The following CPLANE1 variants were observed in gnomAD, a reference collection of about 807,000 sequenced individuals.
CPLANE1 encodes the protein ciliogenesis and planar polarity effector complex subunit 1.
In CPLANE1, 263 loss-of-function variants were observed where a neutral mutation model predicts 362.5. That is an observed-to-expected ratio of 0.73 (90% confidence interval 0.66 to 0.80). The LOEUF is 0.80. Among genes scored for constraint, CPLANE1 ranks in the 30% least tolerant of loss-of-function variants. The probability of loss-of-function intolerance (pLI) is 0.00; values close to 1 mark genes in which losing one functional copy is unlikely to be tolerated. For synonymous variants in CPLANE1, 1,212 were observed against 1,302.6 expected (o/e 0.93, Z 1.50); for missense variants, 3,461 against 3,793.4 (o/e 0.91, Z 2.30).
chr5:37,201,790 T>C lies in CPLANE1; in HGVS notation c.3308A>G (p.Asp1103Gly). 1.2e-6 allele frequency: 2 copies of C among 1,612,362 alleles called. No individual in the cohort carries two copies. The highest frequency in any genetic ancestry group is 1.7e-6 in the Non-Finnish European group (2 of 1,178,754). Reference sequence around the variant, plus strand: ...TACTGAACCAAATAGCAGATTTGCATCTTCCTCTTCAATGGGATCTATCAA... The same window carrying C: ...TACTGAACCAAATAGCAGATTTGCACCTTCCTCTTCAATGGGATCTATCAA... Reference protein sequence around the residue: ...KQFTDPIEEEDANLLFGSVQE... With the variant: ...KQFTDPIEEEGANLLFGSVQE... Residue 1103 changes from aspartate to glycine, a missense_variant, in exon 19 of 53, where the codon GAT becomes GGT. By Grantham distance (94) the Asp-to-Gly change is moderately conservative. Around this residue, in one of 2 missense-constraint regions of CPLANE1, gnomAD observed 3,380 missense variants for 3,666.1 expected, o/e 0.92. Coordinates refer to ENST00000651892, the MANE Select transcript of CPLANE1 (RefSeq NM_001384732.1).
At chr5:37,175,358 A>G (rs1780885469) in intron 31 of CPLANE1, among the ~76,000 whole-genome samples, 2 of 152,212 alleles carry the variant, frequency 1.3e-5, no homozygotes, top group African/African-American at 2.4e-5. Context: ...ACGCAACAAC[A>G]TTTTGTGAAG....
intron 1 of CPLANE1, among the ~76,000 whole-genome samples, chr5:37,248,983 G>A (rs1424494877): frequency 6.6e-6 from 1 of 152,228 alleles, no homozygotes; most frequent in South Asian, 2.1e-4. Flanking sequence ...ACCCACGCCG[G>A]CCGGGTGACC....
At chr5:37,085,855 T>G in the CPLANE1 span, 1 of 1,155,880 alleles carries the variant, frequency 8.7e-7, no homozygotes, top group South Asian at 1.2e-5. Context: ...GTGGGTGAAA[T>G]GGTCCCTGGG....
chr5:37,142,470 C>CA lies in CPLANE1; in HGVS notation c.8471dup (p.Leu2824PhefsTer6). On this transcript the variant is annotated frameshift_variant, in exon 44 of 53. Coordinates refer to ENST00000651892, the MANE Select transcript of CPLANE1 (RefSeq NM_001384732.1). LOFTEE classifies it high-confidence loss of function. ...TTTGATCTTCTTCATCCATATGGGT[C>CA]AAAAAACGCACTAATCCAGAGTATA... The CA allele has an allele frequency of 6.3e-7, 1 of 1,580,692 alleles. No homozygotes were observed. The highest frequency in any genetic ancestry group is 2.3e-5 in the East Asian group (1 of 43,410).
At chr5:37,122,588 G>T in intron 47 of CPLANE1, 100 bp from the exon 48 acceptor site, 1 of 857,164 alleles carries the variant, frequency 1.2e-6, no homozygotes, top group Non-Finnish European at 1.8e-6. Context: ...AAACACTGTC[G>T]TGTTTGATGA....
intron 50 of CPLANE1, among the ~76,000 whole-genome samples, chr5:37,117,956 A>G (rs1167885148): frequency 2.0e-5 from 3 of 152,272 alleles, no homozygotes; most frequent in Non-Finnish European, 4.4e-5. Context: ...TCAGGTTTTT[A>G]AAACCTTGAC....
chr5:37,186,469 T>A (rs1784024041), intron 23 of CPLANE1, 75 bp from the exon 24 acceptor site: 1 of 737,368 alleles, frequency 1.4e-6, no homozygotes, highest in East Asian at 2.5e-5. Context: ...AAATATTTTA[T>A]TTTAACTCAA....
In CPLANE1 at chr5:37,139,360, G is replaced by C; in HGVS notation, c.8643C>G (p.Ser2881Arg). ...TTTACCTCTCACACAATTCATCACTGCTATTCATACCTAAAAAAAAAATCA... is the reference window on the plus strand; with the variant it reads ...TTTACCTCTCACACAATTCATCACTCCTATTCATACCTAAAAAAAAAATCA... Reference protein sequence around the residue: ...DQNTTSPGMNSSDELCESVSV... With the variant: ...DQNTTSPGMNRSDELCESVSV... The change falls in exon 45 of 53, where the codon AGC (serine) becomes AGG (arginine). Residue 2881 changes from serine (S) to arginine (R), a missense_variant. Physicochemically the swap from Ser to Arg is moderately radical, Grantham distance 110. Around this residue, in one of 2 missense-constraint regions of CPLANE1, gnomAD observed 3,380 missense variants for 3,666.1 expected, o/e 0.92. Coordinates refer to ENST00000651892, the MANE Select transcript of CPLANE1 (RefSeq NM_001384732.1). 1 of 1,224,656 alleles carries C rather than the reference G, an allele frequency of 8.2e-7. No individual in the cohort carries two copies. The highest frequency in any genetic ancestry group is 1.1e-6 in the Non-Finnish European group (1 of 883,852). 75.9% of individuals were successfully genotyped at this position (1,224,656 alleles called of 1,614,324 possible). A position where few individuals can be genotyped will look rare whatever the true frequency, so the allele number is the denominator to read the frequency against.
chr5:37,237,068 A>G (rs1482284385), intron 8 of CPLANE1, among the ~76,000 whole-genome samples: 2 of 152,230 alleles, frequency 1.3e-5, no homozygotes, highest in Non-Finnish European at 2.9e-5. Flanking sequence ...CTACCATTCA[A>G]TCTAGTAATC....
rs183703355 is a variant in CPLANE1 at position 37,157,322 on chromosome 5, G to A, written c.8110C>T (p.Gln2704Ter). Residue 2704 changes from glutamine to a stop codon, truncating the protein, a stop_gained, in exon 41 of 53, where the codon CAG becomes TAG. Transcript: ENST00000651892. LOFTEE classifies it high-confidence loss of function. The part of the protein sequence containing the change: ...VTSPTPSDIQ[Q>*]NKGLPKPEFR... Reference sequence around the variant, plus strand: ...CCTCTTGGCTGTTTACCTTTGTTCTGCTGTATGTCTGATGGTGTAGGTGAG... The same window carrying A: ...CCTCTTGGCTGTTTACCTTTGTTCTACTGTATGTCTGATGGTGTAGGTGAG... The A allele has an allele frequency of 7.1e-3, 9,673 of 1,366,434 alleles. 39 individuals carry two copies. The highest frequency in any genetic ancestry group is 8.4e-3 in the Non-Finnish European group (8,661 of 1,031,006). The allele number at this position is 1,366,434 out of a possible 1,614,324, so 84.6% of individuals were successfully genotyped here.
At position 37,238,838 on chromosome 5, in the gene CPLANE1, C is replaced by T; in HGVS notation, c.938+19G>A. 7.3e-7 allele frequency: 1 copy of T among 1,362,392 alleles called. No individual in the cohort carries two copies. The highest frequency in any genetic ancestry group is 1.5e-5 in the South Asian group (1 of 68,166). The allele number at this position is 1,362,392 out of a possible 1,614,324, so 84.4% of individuals were successfully genotyped here. ...TTAAAAGAAAAAAAGAAAAAAAAGA[C>T]AGACAAAAGAGTTCTTACCTAATAA... On this transcript the variant is annotated intron_variant, in intron 8 of 52. Coordinates refer to ENST00000651892, the MANE Select transcript of CPLANE1 (RefSeq NM_001384732.1).
intron 21 of CPLANE1, among the ~76,000 whole-genome samples, chr5:37,191,743 A>G (rs1490113265): frequency 1.3e-5 from 2 of 152,148 alleles, no homozygotes; most frequent in African/African-American, 2.4e-5. Flanking sequence ...CTGAGGTTAG[A>G]GAATGTTTTG....
At chr5:37,119,496 C>T (rs1762012602) in intron 50 of CPLANE1, among the ~76,000 whole-genome samples, 1 of 151,644 alleles carries the variant, frequency 6.6e-6, no homozygotes, top group Non-Finnish European at 1.5e-5. Flanking sequence ...CATGGAGAAA[C>T]CCCATCTCTT....
intron 43 of CPLANE1, among the ~76,000 whole-genome samples, chr5:37,147,244 A>C (rs1377423513): frequency 6.6e-6 from 1 of 152,244 alleles, no homozygotes; most frequent in East Asian, 1.9e-4. Flanking sequence ...GTAAAAACTG[A>C]CTATCCTCAG....
chr5:37,107,835 A>G, intron 52 of CPLANE1, 57 bp from the exon 53 acceptor site: 1 of 1,473,034 alleles, frequency 6.8e-7, no homozygotes. Context: ...CAAAAAAACA[A>G]AAACAAAAAA....
chr5:37,189,434 G>C (rs1203488063), intron 21 of CPLANE1, among the ~76,000 whole-genome samples: 1 of 151,940 alleles, frequency 6.6e-6, no homozygotes, highest in Non-Finnish European at 1.5e-5. Context: ...AGATTCTGCC[G>C]GGGGAGCACG....
the CPLANE1 span, among the ~76,000 whole-genome samples, chr5:37,094,752 T>C: frequency 1.3e-5 from 2 of 152,010 alleles, no homozygotes; most frequent in African/African-American, 4.8e-5. Context: ...ACAGGAGATA[T>C]TACAACTGAT....
At chr5:37,101,550 T>C (rs1020728415), downstream of CPLANE1, among the ~76,000 whole-genome samples, 7 of 152,336 alleles carry the variant, frequency 4.6e-5, no homozygotes, top group Admixed American at 1.3e-4. Flanking sequence ...ATCAGGGATA[T>C]TGGCCTGAAG....
rs765853094 is a variant in CPLANE1 at position 37,173,977 on chromosome 5, T to C, written c.5979-30A>G. 14 of 1,568,928 alleles carry C rather than the reference T, an allele frequency of 8.9e-6. No individual in the cohort carries two copies. In the South Asian group the frequency reaches 1.5e-4, roughly 16 times the overall value. On this transcript the variant is annotated intron_variant, in intron 31 of 52. Transcript: ENST00000651892. The stretch of plus-strand genomic sequence containing the variant: ...GTGGAAAGCATTTAAATAAAAAACA[T>C]GCATTAAAATTGACAAAAAACAAAT...
Sources: allele counts gnomAD v4.1 joint callset (sites outside exome capture counted in the v4.1 genomes callset), GRCh38; gene constraint gnomAD v4.1.1; regional missense constraint gnomAD v4.1.1; transcripts MANE v1.5; gene names NCBI Gene and HGNC (gene_info 2026-07-23, HGNC 2026-07-21).